The following RNF216 variants were observed in gnomAD, a reference collection of about 807,000 sequenced individuals.
RNF216 encodes the protein E3 ubiquitin-protein ligase RNF216.
RNF216 carries 72 observed loss-of-function variants against 110.8 expected under a neutral mutation model. That is an observed-to-expected ratio of 0.65 (90% CI 0.54 to 0.79). RNF216 has a LOEUF of 0.79. Among genes scored for constraint, RNF216 ranks in the 30% least tolerant of loss-of-function variants. The probability of loss-of-function intolerance (pLI) is 0.00; values close to 1 mark genes in which losing one functional copy is unlikely to be tolerated. For synonymous variants in RNF216, 495 were observed against 407.5 expected (o/e 1.21, Z -2.59); for missense variants, 1,342 against 1,141.2 (o/e 1.18, Z -2.54).
intron 13 of RNF216, among the ~76,000 whole-genome samples, chr7:5,683,058 G>A (rs935570615): frequency 1.3e-5 from 2 of 151,916 alleles, no homozygotes; most frequent in South Asian, 2.1e-4. Context: ...GTCATGCTAA[G>A]TTAAAAAACA....
intron 13 of RNF216, among the ~76,000 whole-genome samples, chr7:5,675,168 A>G (rs1336789910): frequency 6.6e-6 from 1 of 152,202 alleles, no homozygotes; most frequent in Admixed American, 6.5e-5. Context: ...GGAACGCTCA[A>G]ATAAGGTACC....
chr7:5,632,041 G>A (rs935749365), intron 15 of RNF216, among the ~76,000 whole-genome samples: 1 of 152,226 alleles, frequency 6.6e-6, no homozygotes, highest in Non-Finnish European at 1.5e-5. Flanking sequence ...GCCAGGGCAG[G>A]AGGTCTGGAC....
chr7:5,762,183 T>G (rs1465356948), intron 1 of RNF216, among the ~76,000 whole-genome samples: 1 of 152,220 alleles, frequency 6.6e-6, no homozygotes, highest in Non-Finnish European at 1.5e-5. Context: ...ATACCATTTA[T>G]GTAAGTTAAT....
intron 13 of RNF216, among the ~76,000 whole-genome samples, chr7:5,672,334 A>T (rs1376401276): frequency 6.6e-6 from 1 of 152,228 alleles, no homozygotes; most frequent in Non-Finnish European, 1.5e-5. Flanking sequence ...TATATCAGTT[A>T]CTTTGGTCTT....
At chr7:5,634,096 A>G (rs1787249037) in intron 15 of RNF216, among the ~76,000 whole-genome samples, 1 of 152,066 alleles carries the variant, frequency 6.6e-6, no homozygotes, top group Non-Finnish European at 1.5e-5. Flanking sequence ...GCTTGGCACA[A>G]AACTATTTTT....
chr7:5,716,359 A>C (rs1793063225), intron 10 of RNF216, among the ~76,000 whole-genome samples: 1 of 152,108 alleles, frequency 6.6e-6, no homozygotes, highest in Non-Finnish European at 1.5e-5. Context: ...AAAATACAAA[A>C]ATTAGCTGGG....
chr7:5,738,836 C>T (rs74536515), intron 5 of RNF216, among the ~76,000 whole-genome samples: 2,934 of 152,008 alleles, frequency 0.019, 42 homozygotes, highest in Non-Finnish European at 0.03. Context: ...GTAGTATCAA[C>T]GCTTAGAAAC....
chr7:5,770,858 A>G (rs1796457898), intron 1 of RNF216, among the ~76,000 whole-genome samples: 1 of 150,192 alleles, frequency 6.7e-6, no homozygotes, highest in African/African-American at 2.5e-5. Flanking sequence ...CCCAGGCCGG[A>G]GTGCAGTGGT....
chr7:5,752,711 A>C, intron 3 of RNF216, 135 bp downstream of exon 3: 1 of 757,940 alleles, frequency 1.3e-6, no homozygotes, highest in Non-Finnish European at 2.1e-6. Flanking sequence ...AGAGTACACG[A>C]GGTAGAATGG....
Position 5,633,446 on chromosome 7 carries a change from G to A in RNF216, c.2382+7708C>T, listed in dbSNP as rs1000798311. Among the ~76,000 whole-genome samples the A allele has an allele frequency of 3.3e-5, 5 of 152,036 alleles. No homozygotes were observed. In the East Asian group the frequency reaches 9.8e-4, roughly 30 times the overall value. On this transcript the variant is annotated intron_variant, in intron 15 of 16. Coordinates refer to ENST00000389902, the MANE Select transcript of RNF216 (RefSeq NM_207111.4). ...GAAAATTAGCTGGGCCTGGTGGCGT[G>A]CACCTGTAATCCCAGCTACTCAGGA...
chr7:5,628,504 G>A (rs1248865927), intron 15 of RNF216, among the ~76,000 whole-genome samples: 1 of 151,950 alleles, frequency 6.6e-6, no homozygotes, highest in Admixed American at 6.6e-5. Flanking sequence ...TAGCTAATAT[G>A]TTAGACTCTA....
At chr7:5,721,455 T>C (rs1228393001) in intron 8 of RNF216, among the ~76,000 whole-genome samples, 1 of 152,246 alleles carries the variant, frequency 6.6e-6, no homozygotes, top group Non-Finnish European at 1.5e-5. Flanking sequence ...CCACAATTTA[T>C]TATCTATTTC....
intron 15 of RNF216, among the ~76,000 whole-genome samples, chr7:5,628,257 C>G (rs888472360): frequency 1.3e-5 from 2 of 152,122 alleles, no homozygotes; most frequent in African/African-American, 2.4e-5. Flanking sequence ...GAGTCACGCC[C>G]TTAGGAGTCT....
intron 13 of RNF216, among the ~76,000 whole-genome samples, chr7:5,675,230 C>T (rs1189261743): frequency 6.6e-6 from 1 of 152,200 alleles, no homozygotes; most frequent in Non-Finnish European, 1.5e-5. Context: ...ACTTCACAGA[C>T]ATCACCTCAT....
intron 13 of RNF216, among the ~76,000 whole-genome samples, chr7:5,698,843 C>T (rs1486866819): frequency 6.6e-6 from 1 of 152,248 alleles, no homozygotes; most frequent in African/African-American, 2.4e-5. Context: ...AACCTTCTCA[C>T]AAAAAGCTGT....
At chr7:5,753,056 G>A in intron 2 of RNF216, 77 bp from the exon 3 acceptor site, 1 of 1,497,706 alleles carries the variant, frequency 6.7e-7, no homozygotes, top group Non-Finnish European at 8.9e-7. Context: ...TCCTGACAGG[G>A]GTACAGCCTA....
chr7:5,700,583 C>T (rs1382414722), intron 13 of RNF216, among the ~76,000 whole-genome samples: 1 of 152,088 alleles, frequency 6.6e-6, no homozygotes, highest in Non-Finnish European at 1.5e-5. Context: ...CTGTGACAAG[C>T]CTGAGAAGCA....
chr7:5,737,522 A>AAATAAT (rs112378505), intron 5 of RNF216, among the ~76,000 whole-genome samples: 2 of 148,688 alleles, frequency 1.3e-5, no homozygotes, highest in African/African-American at 4.9e-5. Flanking sequence ...GATCAATTAA[A>AAATAAT]AATAATAATA....
intron 14 of RNF216, among the ~76,000 whole-genome samples, chr7:5,642,088 G>A (rs996040818): frequency 4.6e-5 from 7 of 150,698 alleles, no homozygotes; most frequent in Admixed American, 1.3e-4. Flanking sequence ...AAGGAGATGA[G>A]GTTTAGATAA....
Sources: gnomAD v4.1 joint callset for allele counts (sites outside exome capture counted in the v4.1 genomes callset) on GRCh38, gnomAD v4.1.1 for gene constraint, MANE v1.5 for transcripts, NCBI Gene and HGNC (gene_info 2026-07-23, HGNC 2026-07-21) for gene names.